Variants in TASP1 observed in about 807,000 individuals in gnomAD.
The protein encoded by TASP1 is taspase 1.
A neutral mutation model predicts 56.6 loss-of-function variants in TASP1; 16 were observed. That is an observed-to-expected ratio of 0.28 (90% CI 0.19 to 0.43). The LOEUF is 0.43. Among genes scored for constraint, TASP1 ranks in the 20% least tolerant of loss-of-function variants. The probability of loss-of-function intolerance (pLI) is 1.00; values close to 1 mark genes in which losing one functional copy is unlikely to be tolerated. For synonymous variants in TASP1, 179 were observed against 184.2 expected, an observed-to-expected ratio of 0.97 and a Z score of 0.23; for missense variants, 393 against 511.6, an observed-to-expected ratio of 0.77 and a Z score of 2.24.
chr20:13,134,710 A>C, the TASP1 span, among the ~76,000 whole-genome samples: 1 of 152,206 alleles, frequency 6.6e-6, no homozygotes, highest in African/African-American at 2.4e-5. Context: ...GGGAGAAGTA[A>C]AGTGAACAGA....
At chr20:13,292,910 C>T in the TASP1 span, among the ~76,000 whole-genome samples, 2 of 152,098 alleles carry the variant, frequency 1.3e-5, no homozygotes, top group African/African-American at 4.8e-5. Context: ...ATTTTTTATA[C>T]ACCGGGCCAG....
chr20:13,276,008 G>A, the TASP1 span, among the ~76,000 whole-genome samples: 5 of 152,188 alleles, frequency 3.3e-5, no homozygotes, highest in African/African-American at 1.2e-4. Context: ...TGCCACCCTT[G>A]TTCTTAGAGC....
At chr20:13,442,289 CACAG>C (rs1157466818) in intron 11 of TASP1, among the ~76,000 whole-genome samples, 3 of 150,078 alleles carry the variant, frequency 2.0e-5, no homozygotes, top group African/African-American at 5.0e-5. Context: ...CAGACACAGA[CACAG>C]ACACACACAC....
At chr20:13,271,013 C>A in the TASP1 span, among the ~76,000 whole-genome samples, 1 of 152,100 alleles carries the variant, frequency 6.6e-6, no homozygotes, top group Non-Finnish European at 1.5e-5. Flanking sequence ...AAGATACATA[C>A]TAATTTAAGA....
At chr20:13,286,933 G>A in the TASP1 span, among the ~76,000 whole-genome samples, 1 of 152,246 alleles carries the variant, frequency 6.6e-6, no homozygotes, top group Non-Finnish European at 1.5e-5. Flanking sequence ...CAAGGCCATA[G>A]GAAGATCTGG....
At chr20:13,609,102 A>T (rs1476138385) in intron 4 of TASP1, among the ~76,000 whole-genome samples, 1 of 152,180 alleles carries the variant, frequency 6.6e-6, no homozygotes, top group African/African-American at 2.4e-5. Flanking sequence ...CAACCCAAAA[A>T]ATCAATTTGA....
intron 11 of TASP1, among the ~76,000 whole-genome samples, chr20:13,460,591 C>T (rs1182339333): frequency 2.0e-5 from 3 of 152,086 alleles, no homozygotes; most frequent in Admixed American, 1.3e-4. Context: ...GCTGATCTTT[C>T]CCCACAAGAC....
chr20:13,331,299 C>T, the TASP1 span, among the ~76,000 whole-genome samples: 1 of 152,148 alleles, frequency 6.6e-6, no homozygotes, highest in Non-Finnish European at 1.5e-5. Flanking sequence ...AGACATTTTA[C>T]GTAAGTCTCA....
At chr20:13,296,749 G>T in the TASP1 span, among the ~76,000 whole-genome samples, 9 of 152,302 alleles carry the variant, frequency 5.9e-5, no homozygotes, top group South Asian at 2.1e-4. Flanking sequence ...GCCAGGCGTG[G>T]TGGCTTACAC....
intron 13 of TASP1, chr20:13,393,676 AC>A: frequency 5.5e-6 from 7 of 1,282,864 alleles, no homozygotes; most frequent in African/African-American, 1.5e-5. Context: ...AAGGAATAAG[AC>A]CCCTGGACCA....
chr20:13,526,717 G>A (rs1336067748), intron 10 of TASP1, among the ~76,000 whole-genome samples: 2 of 152,114 alleles, frequency 1.3e-5, no homozygotes, highest in African/African-American at 2.4e-5. Flanking sequence ...AGATAGGCAG[G>A]CATGAGAAGA....
chr20:13,366,980 C>A, the TASP1 span, among the ~76,000 whole-genome samples: 1 of 152,288 alleles, frequency 6.6e-6, no homozygotes, highest in Non-Finnish European at 1.5e-5. Context: ...ATGCTACCAC[C>A]ATTCAGCTCT....
chr20:13,503,759 AG>A (rs2044030523), intron 10 of TASP1, among the ~76,000 whole-genome samples: 1 of 152,154 alleles, frequency 6.6e-6, no homozygotes, highest in East Asian at 1.9e-4. Context: ...TTTAATAAAA[AG>A]ATTAAAATCA....
chr20:13,573,103 A>C (rs1336907435), intron 6 of TASP1, among the ~76,000 whole-genome samples: 2 of 152,250 alleles, frequency 1.3e-5, no homozygotes, highest in Non-Finnish European at 2.9e-5. Flanking sequence ...TTATCAACAC[A>C]TAAAATGCAA....
intron 11 of TASP1, among the ~76,000 whole-genome samples, chr20:13,442,304 ACACACACACAC>A (rs1246775112): frequency 6.6e-6 from 1 of 151,946 alleles, no homozygotes; most frequent in Non-Finnish European, 1.5e-5. Flanking sequence ...ACACACACAC[ACACACACACAC>A]CACACACATA....
At position 13,436,804 on chromosome 20, in the gene TASP1, G is replaced by A. The variant is rs576377187; in HGVS notation, c.986-1650C>T. On this transcript the variant is annotated intron_variant, in intron 11 of 13. Transcript: ENST00000337743. ...ACTTGAGAGACACCCCCAAGAAAACGTGTCCTCGACTTAGGGTAAGAGCTT... is the reference window on the plus strand; with the variant it reads ...ACTTGAGAGACACCCCCAAGAAAACATGTCCTCGACTTAGGGTAAGAGCTT... Among the ~76,000 whole-genome samples, 5 of 152,154 alleles carry A rather than the reference G, an allele frequency of 3.3e-5. No individual in the cohort carries two copies. In the East Asian group the frequency reaches 7.7e-4, roughly 24 times the overall value.
chr20:13,149,019 C>A, the TASP1 span, among the ~76,000 whole-genome samples: 3 of 152,184 alleles, frequency 2.0e-5, no homozygotes, highest in African/African-American at 7.2e-5. Context: ...GATTTTTAGG[C>A]TGTTCAGGTG....
the TASP1 span, among the ~76,000 whole-genome samples, chr20:13,157,209 AGATG>A: frequency 6.6e-6 from 1 of 151,864 alleles, no homozygotes; most frequent in Non-Finnish European, 1.5e-5. Context: ...AGGCTGAGGC[AGATG>A]GATCACCTGA....
the TASP1 span, among the ~76,000 whole-genome samples, chr20:13,109,823 C>T: frequency 6.6e-6 from 1 of 152,302 alleles, no homozygotes; most frequent in African/African-American, 2.4e-5. Flanking sequence ...CGTAGAATTT[C>T]AATCTCTCTA....
Sources: gnomAD v4.1 joint callset for allele counts (sites outside exome capture counted in the v4.1 genomes callset) on GRCh38, gnomAD v4.1.1 for gene constraint, MANE v1.5 for transcripts, NCBI Gene and HGNC (gene_info 2026-07-23, HGNC 2026-07-21) for gene names.